The following VPS13A variants were observed in gnomAD, a reference collection of about 807,000 sequenced individuals.
VPS13A encodes vacuolar protein sorting 13 homolog A.
Under a neutral mutation model 390.9 loss-of-function variants are expected in VPS13A, and 264 were observed. The ratio of observed to expected loss-of-function variants is 0.68; its 90% CI spans 0.61 to 0.75. The LOEUF (loss-of-function observed/expected upper bound fraction) is 0.75, where lower values mean the gene tolerates loss of function less well. Ranked by LOEUF, VPS13A falls within the 30% of genes least tolerant of loss-of-function variation. The pLI is 0.00. For synonymous variants in VPS13A, 1,231 were observed against 1,227.1 expected (o/e 1.00, Z -0.07); for missense variants, 3,409 against 3,733.9 (o/e 0.91, Z 2.27).
intron 2 of VPS13A, 42 bp downstream of exon 2, chr9:77,200,030 A>C: frequency 7.0e-7 from 1 of 1,433,866 alleles, no homozygotes; most frequent in Non-Finnish European, 9.8e-7. Context: ...TATTGCATTT[A>C]ATTATGTATA....
At position 77,260,169 on chromosome 9, in the gene VPS13A, G is replaced by A. The variant is rs759206754; in HGVS notation, c.2372G>A (p.Ser791Asn). 5.6e-6 allele frequency: 9 copies of A among 1,612,262 alleles called. No individual in the cohort carries two copies. In the South Asian group the frequency reaches 8.8e-5, roughly 16 times the overall value. Residue 791 changes from serine (S) to asparagine (N), a missense_variant, in exon 23 of 72, where the codon AGC becomes AAC. By Grantham distance (46) the Ser-to-Asn change is conservative. This residue lies in a region of VPS13A where 2,717 missense variants were observed against 2,917.4 expected (regional missense o/e 0.93). Coordinates refer to ENST00000360280, the MANE Select transcript of VPS13A (RefSeq NM_033305.3). Reference protein sequence around the residue: ...KLQGIMELIESIPKPEPVTEV... With the variant: ...KLQGIMELIENIPKPEPVTEV... Reference sequence around the variant, plus strand: ...CAAGGGATTATGGAATTGATTGAAAGCATTCCAAAACCTGAACCAGTAACT... The same window carrying A: ...CAAGGGATTATGGAATTGATTGAAAACATTCCAAAACCTGAACCAGTAACT...
chr9:77,210,820 G>GT, intron 7 of VPS13A, 145 bp downstream of exon 7: 2 of 777,908 alleles, frequency 2.6e-6, no homozygotes, highest in Non-Finnish European at 4.3e-6. Flanking sequence ...GGAATCGAGG[G>GT]TATGTAGATT....
chr9:77,398,918 C>T (rs1341771862), intron 68 of VPS13A, among the ~76,000 whole-genome samples: 1 of 143,192 alleles, frequency 7.0e-6, no homozygotes, highest in African/African-American at 2.6e-5. Flanking sequence ...ATCGCAAGAA[C>T]AAAAAACCAA....
At chr9:77,225,897 G>A in intron 13 of VPS13A, 29 bp from the exon 14 acceptor site, 3 of 1,554,552 alleles carry the variant, frequency 1.9e-6, no homozygotes, top group Non-Finnish European at 2.7e-6. Flanking sequence ...TTTTTGTAAA[G>A]TTAACACATT....
rs1471935397 is a variant in VPS13A, at chr9:77,418,250, T to TA, written c.*2244_*2245insA. The TA allele has an allele frequency of 7.3e-6, 1 of 136,652 alleles. No individual in the cohort carries two copies. Among genetic ancestry groups the TA allele is most frequent in the Non-Finnish European group, 1.6e-5 (1 of 61,564 alleles). The allele number at this position is 136,652 out of a possible 1,614,324, so 8.5% of individuals were successfully genotyped here. ...TGTCTTAGTTGTTTGGTAGTGGCTA[T>TA]GGAATGAGAGGTGTTGAGTCTTGTG... On this transcript the variant is annotated 3_prime_UTR_variant, in exon 72 of 72. Coordinates refer to ENST00000360280, the MANE Select transcript of VPS13A (RefSeq NM_033305.3).
At chr9:77,321,837 G>T in intron 44 of VPS13A, 91 bp downstream of exon 44, 1 of 1,474,460 alleles carries the variant, frequency 6.8e-7, no homozygotes, top group Non-Finnish European at 9.2e-7. Context: ...TCTTAGCAAG[G>T]TTTTTTTTGT....
intron 68 of VPS13A, among the ~76,000 whole-genome samples, chr9:77,391,558 C>T (rs1315820950): frequency 6.6e-6 from 1 of 152,092 alleles, no homozygotes; most frequent in Non-Finnish European, 1.5e-5. Flanking sequence ...AATGATGACT[C>T]TAATGAATTG....
rs977841147 is a variant in VPS13A at position 77,293,496 on chromosome 9, A to G, written c.3495A>G (p.Leu1165=). The G allele has an allele frequency of 1.9e-5, 29 of 1,560,532 alleles. No individual in the cohort carries two copies. The highest frequency in any genetic ancestry group is 2.4e-5 in the Non-Finnish European group (28 of 1,147,600). Residue 1165 remains leucine (L), a synonymous_variant, in exon 32 of 72, where the codon CTA becomes CTG. Coordinates refer to ENST00000360280, the MANE Select transcript of VPS13A (RefSeq NM_033305.3). ...CIEVVFVTKF[L]YSILAFIDNF... ...AAGTAGTTTTTGTCACGAAATTTCT[A>G]TATTCTATATTGGTAAGTATTTTAT... is the stretch of plus-strand genomic sequence containing the variant.
At chr9:77,344,029 C>A in intron 50 of VPS13A, 124 bp from the exon 51 acceptor site, 1 of 873,456 alleles carries the variant, frequency 1.1e-6, no homozygotes, top group Non-Finnish European at 1.7e-6. Flanking sequence ...AACCCAATAA[C>A]TAGAGCAGTG....
In VPS13A at chr9:77,381,960, A is replaced by T; in HGVS notation, c.9078-16A>T. ...TGAATAATTTTTAAAATAAAGTTAT[A>T]TTTTTTTTCCTCTAGAGCTACAGAG... On this transcript the variant is annotated splice_polypyrimidine_tract_variant and intron_variant, in intron 67 of 71. Transcript: ENST00000360280. 1 of 1,535,924 alleles carries T rather than the reference A, an allele frequency of 6.5e-7. No homozygotes were observed. The highest frequency in any genetic ancestry group is 8.9e-7 in the Non-Finnish European group (1 of 1,122,138).
intron 67 of VPS13A, among the ~76,000 whole-genome samples, chr9:77,373,041 G>A (rs1018123231): frequency 3.3e-5 from 5 of 152,114 alleles, no homozygotes; most frequent in Admixed American, 1.3e-4. Context: ...AATCAATATC[G>A]TGAAAATGGC....
chr9:77,362,697 A>G (rs1370307256), intron 59 of VPS13A, among the ~76,000 whole-genome samples: 2 of 152,198 alleles, frequency 1.3e-5, no homozygotes, highest in South Asian at 2.1e-4. Context: ...CTGTAAATCA[A>G]TTTGGGAAGT....
At chr9:77,277,344 TACCCAC>T (rs1826743187) in intron 26 of VPS13A, among the ~76,000 whole-genome samples, 1 of 152,224 alleles carries the variant, frequency 6.6e-6, no homozygotes, top group African/African-American at 2.4e-5. Context: ...ATACTCCTTG[TACCCAC>T]ACCTGCATAG....
intron 67 of VPS13A, among the ~76,000 whole-genome samples, chr9:77,373,136 T>C (rs1399753582): frequency 6.6e-6 from 1 of 151,952 alleles, no homozygotes; most frequent in Admixed American, 6.6e-5. Context: ...AAAAAACTAC[T>C]TTAAAGTTCA....
chr9:77,405,561 T>G (rs536517043), intron 69 of VPS13A, among the ~76,000 whole-genome samples: 2 of 152,222 alleles, frequency 1.3e-5, no homozygotes, highest in South Asian at 4.1e-4. Context: ...TTCATTCTTA[T>G]TCTGTTCAAA....
intron 35 of VPS13A, among the ~76,000 whole-genome samples, chr9:77,311,105 T>C (rs981742352): frequency 2.0e-5 from 3 of 152,086 alleles, no homozygotes; most frequent in Admixed American, 2.0e-4. Context: ...TTTGTATTTT[T>C]AGTAGAGATG....
At chr9:77,323,732 C>T (rs1252988356) in intron 45 of VPS13A, among the ~76,000 whole-genome samples, 1 of 152,152 alleles carries the variant, frequency 6.6e-6, no homozygotes, top group African/African-American at 2.4e-5. Flanking sequence ...CAGGCATCCA[C>T]TGATCTGTCC....
intron 39 of VPS13A, among the ~76,000 whole-genome samples, 165 bp from the exon 40 acceptor site, chr9:77,317,441 A>G (rs541661137): frequency 1.4e-4 from 21 of 152,038 alleles, no homozygotes; most frequent in Non-Finnish European, 2.5e-4. Context: ...TAGGTTCTAG[A>G]TGTCCTTTAT....
chr9:77,332,190 T>G, intron 46 of VPS13A, 77 bp downstream of exon 46: 1 of 1,168,958 alleles, frequency 8.6e-7, no homozygotes, highest in South Asian at 1.2e-5. Context: ...ATGGATAACT[T>G]TGATCAAATC....
Sources: gnomAD v4.1 joint callset for allele counts (sites outside exome capture counted in the v4.1 genomes callset) on GRCh38, gnomAD v4.1.1 for gene constraint, gnomAD v4.1.1 regional missense constraint, MANE v1.5 for transcripts, NCBI Gene and HGNC (gene_info 2026-07-23, HGNC 2026-07-21) for gene names.